Variants in FAM168A observed in about 807,000 individuals in gnomAD.
The protein encoded by FAM168A is protein FAM168A.
Under a neutral mutation model 28.5 loss-of-function variants are expected in FAM168A, and 3 were observed. The observed-to-expected ratio is 0.11, with a 90% CI of 0.05 to 0.27. The LOEUF is 0.27. FAM168A is among the 10% of genes least tolerant of loss of function. The pLI is 1.00. For synonymous variants in FAM168A, 122 were observed against 124.2 expected (o/e 0.98, Z 0.12); for missense variants, 222 against 311.5 (o/e 0.71, Z 2.16).
At chr11:73,494,925 C>T (rs150151103) in intron 1 of FAM168A, among the ~76,000 whole-genome samples, 3 of 151,794 alleles carry the variant, frequency 2.0e-5, no homozygotes, top group African/African-American at 7.3e-5. Flanking sequence ...ATCACTTGAA[C>T]CCAGGAGGCA....
intron 3 of FAM168A, chr11:73,424,989 T>C: frequency 6.7e-7 from 1 of 1,502,602 alleles, no homozygotes. Context: ...ATTCATAGGC[T>C]GTAATACAGA....
chr11:73,514,557 G>A (rs1405247100), intron 1 of FAM168A, among the ~76,000 whole-genome samples: 4 of 152,298 alleles, frequency 2.6e-5, no homozygotes, highest in African/African-American at 7.2e-5. Context: ...TCCCTGTGAG[G>A]TGCAGTGGCT....
chr11:73,408,614 AC>A (rs1866551098), intron 6 of FAM168A, among the ~76,000 whole-genome samples: 2 of 151,968 alleles, frequency 1.3e-5, no homozygotes, highest in African/African-American at 4.8e-5. Context: ...CCCTGCCTCC[AC>A]AAAAAAACAC....
intron 2 of FAM168A, among the ~76,000 whole-genome samples, chr11:73,454,246 T>A (rs142002819): frequency 1.2e-3 from 177 of 152,244 alleles, no homozygotes; most frequent in Non-Finnish European, 1.2e-3. Context: ...GCCAGCTGAT[T>A]TATAATAAAA....
At chr11:73,437,030 A>G (rs1036366560) in intron 2 of FAM168A, among the ~76,000 whole-genome samples, 6 of 152,118 alleles carry the variant, frequency 3.9e-5, no homozygotes, top group African/African-American at 1.4e-4. Context: ...ATTGAGTCCA[A>G]CTTGTCACTC....
chr11:73,445,417 CTCT>C (rs1867283998), intron 2 of FAM168A, among the ~76,000 whole-genome samples: 3 of 92,180 alleles, frequency 3.3e-5, no homozygotes. Flanking sequence ...GTAAAAATGT[CTCT>C]TTTTTTTTTT....
rs56294455 is a variant in FAM168A, at chr11:73,445,419, C to CTTTTTTTTTTTTTTTTTTTT, written c.71-14669_71-14650dup. On this transcript the variant is annotated intron_variant, in intron 2 of 7. Coordinates refer to ENST00000356467, the MANE Select transcript of FAM168A (RefSeq NM_015159.3). ...CCAGTAGATATATGTAAAAATGTCT[C>CTTTTTTTTTTTTTTTTTTTT]TTTTTTTTTTTTTTTTTTTTTTTTT... Among the ~76,000 whole-genome samples, 34 of 50,462 alleles carry CTTTTTTTTTTTTTTTTTTTT rather than the reference C, an allele frequency of 6.7e-4. 2 individuals are homozygous for CTTTTTTTTTTTTTTTTTTTT. Among genetic ancestry groups the CTTTTTTTTTTTTTTTTTTTT allele is most frequent in the African/African-American group, 2.0e-3 (28 of 14,034 alleles). 33.1% of individuals were successfully genotyped at this position (50,462 alleles called of 152,430 possible).
chr11:73,567,082 C>T (rs936661038), intron 1 of FAM168A, among the ~76,000 whole-genome samples: 3 of 152,054 alleles, frequency 2.0e-5, no homozygotes, highest in Non-Finnish European at 4.4e-5. Flanking sequence ...AGGAGGTGAC[C>T]CTGGCAGCAG....
At chr11:73,513,334 C>T (rs542558161) in intron 1 of FAM168A, among the ~76,000 whole-genome samples, 9 of 151,072 alleles carry the variant, frequency 6.0e-5, no homozygotes, top group Middle Eastern at 3.4e-3. Context: ...CTCAGCCTCC[C>T]GAGTAGCTGG....
chr11:73,505,486 CATTTT>C, intron 1 of FAM168A, among the ~76,000 whole-genome samples: 1 of 152,196 alleles, frequency 6.6e-6, no homozygotes, highest in Admixed American at 6.5e-5. Context: ...TTATCATTAT[CATTTT>C]ATTTTGTTGT....
chr11:73,545,007 A>ATATTATATAAT (rs1943723086), intron 1 of FAM168A, among the ~76,000 whole-genome samples: 1 of 66,674 alleles, frequency 1.5e-5, no homozygotes, highest in Non-Finnish European at 2.6e-5. Context: ...TATATAATAT[A>ATATTATATAAT]CTATATATAT....
intron 1 of FAM168A, among the ~76,000 whole-genome samples, chr11:73,594,568 T>G (rs938510871): frequency 6.6e-6 from 1 of 152,200 alleles, no homozygotes; most frequent in Non-Finnish European, 1.5e-5. Context: ...AGACAGAGTT[T>G]CGCTCTTGTT....
intron 1 of FAM168A, among the ~76,000 whole-genome samples, chr11:73,537,584 CG>C (rs1290466755): frequency 6.6e-6 from 1 of 152,096 alleles, no homozygotes; most frequent in Admixed American, 6.5e-5. Context: ...CTCCAGGTTC[CG>C]TTCTCAGCTT....
At chr11:73,574,792 G>A (rs1171884684) in intron 1 of FAM168A, among the ~76,000 whole-genome samples, 1 of 139,478 alleles carries the variant, frequency 7.2e-6, no homozygotes, top group Non-Finnish European at 1.5e-5. Context: ...TCAAACTCCT[G>A]ACCTCCAGTG....
At chr11:73,502,366 C>G (rs1366382350) in intron 1 of FAM168A, among the ~76,000 whole-genome samples, 1 of 152,102 alleles carries the variant, frequency 6.6e-6, no homozygotes, top group African/African-American at 2.4e-5. Flanking sequence ...ACTATAAACA[C>G]CTCTACACAA....
intron 5 of FAM168A, 47 bp downstream of exon 5, chr11:73,411,347 T>C (rs1866606478): frequency 6.5e-7 from 1 of 1,541,248 alleles, no homozygotes; most frequent in African/African-American, 1.4e-5. Context: ...GCACCCAGGC[T>C]GAAGGCTCCT....
chr11:73,551,127 G>A (rs747202804), intron 1 of FAM168A, among the ~76,000 whole-genome samples: 231 of 148,912 alleles, frequency 1.6e-3, no homozygotes, highest in Non-Finnish European at 2.5e-3. Context: ...AAAAAAAAAA[G>A]GAGAATTTGG....
intron 1 of FAM168A, among the ~76,000 whole-genome samples, chr11:73,513,392 A>AT (rs1855268671): frequency 6.9e-6 from 1 of 144,068 alleles, no homozygotes; most frequent in African/African-American, 2.6e-5. Context: ...TTTTTTTTGT[A>AT]TTTTTAGTAG....
chr11:73,443,811 G>A (rs1421078388), intron 2 of FAM168A, among the ~76,000 whole-genome samples: 4 of 152,114 alleles, frequency 2.6e-5, no homozygotes, highest in African/African-American at 9.7e-5. Flanking sequence ...CTTACTTATT[G>A]GTAAATAATT....
Sources: allele counts gnomAD v4.1 joint callset (sites outside exome capture counted in the v4.1 genomes callset), GRCh38; gene constraint gnomAD v4.1.1; transcripts MANE v1.5; gene names NCBI Gene and HGNC (gene_info 2026-07-23, HGNC 2026-07-21).